FRMPD4: variants seen among roughly 807,000 people sequenced by gnomAD.
FRMPD4 encodes FERM and PDZ domain containing 4, also known as FERM and PDZ domain-containing protein 4.
FRMPD4 carries 22 observed loss-of-function variants against 94.1 expected under a neutral mutation model. The ratio of observed to expected loss-of-function variants is 0.23; its 90% CI spans 0.17 to 0.33. The LOEUF (loss-of-function observed/expected upper bound fraction) is 0.33. FRMPD4 is among the 10% of genes least tolerant of loss of function. The pLI is 1.00. For synonymous variants in FRMPD4, 631 were observed against 548.6 expected (o/e 1.15, Z -2.10); for missense variants, 1,111 against 1,339.9 (o/e 0.83, Z 2.67).
chrX:12,066,285 G>A (rs2054919577), intron 3 of FRMPD4, among the ~76,000 whole-genome samples: 1 of 111,855 alleles, frequency 8.9e-6, no homozygotes, highest in South Asian at 3.8e-4. Flanking sequence ...ATGTGTAGGA[G>A]CAAAATGATG....
chrX:12,362,648 T>G (rs1228251430), intron 1 of FRMPD4, among the ~76,000 whole-genome samples: 1 of 111,636 alleles, frequency 9.0e-6, no homozygotes, highest in Non-Finnish European at 1.9e-5. Flanking sequence ...CTATTGTGAA[T>G]AGTGCCGCAA....
At chrX:12,608,471 C>G (rs1161653337) in intron 2 of FRMPD4, among the ~76,000 whole-genome samples, 2 of 112,549 alleles carry the variant, frequency 1.8e-5, no homozygotes, top group African/African-American at 6.5e-5. Flanking sequence ...TGAAAAGATT[C>G]ATTTGAACCA....
intron 4 of FRMPD4, among the ~76,000 whole-genome samples, chrX:12,649,443 C>T (rs2059577944): frequency 8.9e-6 from 1 of 111,817 alleles, no homozygotes; most frequent in South Asian, 3.8e-4. Flanking sequence ...TATGTCACAT[C>T]TCTCATATGC....
At position 12,651,199 on chromosome X, in the gene FRMPD4, A is replaced by G. The variant is rs373243209; in HGVS notation, c.423-23664A>G. ...CATCCTCGCAAATGCTCCACATCCTACGTAGCTGCATGTCTAGGCAGAAGT... is the reference window on the plus strand; with the variant it reads ...CATCCTCGCAAATGCTCCACATCCTGCGTAGCTGCATGTCTAGGCAGAAGT... On this transcript the variant is annotated intron_variant, in intron 4 of 16. Transcript: ENST00000675598. 4.4e-4 allele frequency among the ~76,000 whole-genome samples: 49 copies of G among 112,376 alleles called. No homozygotes were observed. The East Asian group carries it at 7.2e-3, about 17-fold the overall frequency.
intron 1 of FRMPD4, among the ~76,000 whole-genome samples, chrX:12,294,388 C>A (rs181595230): frequency 1.6e-4 from 18 of 110,422 alleles, no homozygotes; most frequent in Non-Finnish European, 3.4e-4. Context: ...GTAATTAAAT[C>A]TGTTCCTCAA....
chrX:12,580,664 A>G (rs2058855360), intron 2 of FRMPD4, among the ~76,000 whole-genome samples: 1 of 111,551 alleles, frequency 9.0e-6, no homozygotes, highest in African/African-American at 3.3e-5. Context: ...AGTGATATAG[A>G]CGTTGTGGCA....
intron 1 of FRMPD4, among the ~76,000 whole-genome samples, chrX:12,320,635 C>T (rs1438322384): frequency 8.9e-6 from 1 of 111,787 alleles, no homozygotes; most frequent in African/African-American, 3.3e-5. Flanking sequence ...TAGCATCATC[C>T]ATAGAACAGT....
At chrX:12,706,747 C>A in intron 11 of FRMPD4, 79 bp from the exon 12 acceptor site, 1 of 512,373 alleles carries the variant, frequency 2.0e-6, no homozygotes, top group Non-Finnish European at 3.3e-6. Flanking sequence ...CTATCTTACA[C>A]TTGTTTTCTG....
At chrX:12,191,352 T>G (rs772180621) in intron 1 of FRMPD4, among the ~76,000 whole-genome samples, 3 of 112,107 alleles carry the variant, frequency 2.7e-5, no homozygotes, top group South Asian at 7.3e-4. Flanking sequence ...CTTACAAAAC[T>G]AAACATTCTC....
At chrX:12,161,878 C>T (rs2147620983) in intron 1 of FRMPD4, among the ~76,000 whole-genome samples, 1 of 111,845 alleles carries the variant, frequency 8.9e-6, no homozygotes, top group East Asian at 2.8e-4. Context: ...TTTATCTCCT[C>T]TCTTAAAACA....
intron 2 of FRMPD4, among the ~76,000 whole-genome samples, chrX:12,544,666 A>G (rs1341447275): frequency 9.0e-6 from 1 of 111,533 alleles, no homozygotes; most frequent in Non-Finnish European, 1.9e-5. Flanking sequence ...ATTTTATCCC[A>G]TGAAATTTGG....
chrX:12,671,502 G>T (rs928840046), intron 4 of FRMPD4, among the ~76,000 whole-genome samples: 2 of 110,584 alleles, frequency 1.8e-5, no homozygotes, highest in African/African-American at 6.6e-5. Context: ...ACCAAATACC[G>T]CATGTTATCA....
chrX:12,206,637 C>T (rs777804353), intron 1 of FRMPD4, among the ~76,000 whole-genome samples: 3 of 112,049 alleles, frequency 2.7e-5, no homozygotes, highest in Non-Finnish European at 5.6e-5. Context: ...TGCAGCAGTG[C>T]TAACAGAGGC....
chrX:12,178,725 A>C (rs752219496), intron 1 of FRMPD4, among the ~76,000 whole-genome samples: 5 of 111,881 alleles, frequency 4.5e-5, no homozygotes, highest in South Asian at 3.7e-4. Context: ...AAGAGTTCGT[A>C]ATATTGTGTG....
At position 12,694,620 on chromosome X, in the gene FRMPD4, T is replaced by C. The variant is rs780338431; in HGVS notation, c.933+166T>C. Among the ~76,000 whole-genome samples the C allele has an allele frequency of 3.6e-5, 4 of 112,437 alleles. No homozygotes were observed. In the South Asian group the frequency reaches 1.5e-3, roughly 42 times the overall value. On this transcript the variant is annotated intron_variant, in intron 9 of 16. Transcript: ENST00000675598. ...TGCTCTTTTTATTTTTACGTTTGAT[T>C]TTGAAATAACATCATACTTCCAAAA... is the stretch of plus-strand genomic sequence containing the variant.
At chrX:11,852,101 C>A (rs1198614607) in intron 1 of FRMPD4, among the ~76,000 whole-genome samples, 2 of 111,181 alleles carry the variant, frequency 1.8e-5, no homozygotes, top group Non-Finnish European at 3.8e-5. Flanking sequence ...TACTTTCTCA[C>A]TGGATGTTAG....
intron 1 of FRMPD4, among the ~76,000 whole-genome samples, chrX:12,458,150 T>C (rs750894432): frequency 8.9e-6 from 1 of 112,010 alleles, no homozygotes; most frequent in South Asian, 3.7e-4. Context: ...TGGGTTTCCT[T>C]GGCCAAAAAC....
intron 3 of FRMPD4, among the ~76,000 whole-genome samples, chrX:11,899,700 A>G (rs2053923606): frequency 9.0e-6 from 1 of 111,693 alleles, no homozygotes; most frequent in Non-Finnish European, 1.9e-5. Flanking sequence ...CATAATTTCA[A>G]CTGAACAATA....
At position 11,906,831 on chromosome X, in the gene FRMPD4, C is replaced by G. The variant is rs1222358616; in HGVS notation, c.95+28813C>G. ...TTTCTCCTTCTTTCTTCTTCTAGCA[C>G]TCCCATTACATATAGGTTGGTATGT... On this transcript the variant is annotated intron_variant, in intron 3 of 18. Transcript: ENST00000640291. Among the ~76,000 whole-genome samples the G allele has an allele frequency of 5.4e-5, 6 of 110,992 alleles. No homozygotes were observed. The South Asian group carries it at 1.1e-3, about 21-fold the overall frequency.
Sources: gnomAD v4.1 joint callset for allele counts (sites outside exome capture counted in the v4.1 genomes callset) on GRCh38, gnomAD v4.1.1 for gene constraint, MANE v1.5 for transcripts, NCBI Gene and HGNC (gene_info 2026-07-23, HGNC 2026-07-21) for gene names.